COL21A1: variants seen among roughly 807,000 people sequenced by gnomAD.
COL21A1 encodes the protein collagen type XXI alpha 1 chain.
Under a neutral mutation model 137.9 loss-of-function variants are expected in COL21A1, and 149 were observed. That is an observed-to-expected ratio of 1.08 (90% CI 0.95 to 1.24). COL21A1 has a LOEUF of 1.24. Ranked by LOEUF, COL21A1 falls within the 50% of genes most tolerant of loss-of-function variation. The pLI, the probability that COL21A1 is intolerant of heterozygous loss-of-function variation, is 0.00. For missense variants in COL21A1, 1,167 were observed against 1,158.4 expected (o/e 1.01, Z -0.11); for synonymous variants, 456 against 391.5 (o/e 1.16, Z -1.95).
chr6:56,138,984 G>A (rs1774202985), intron 12 of COL21A1, among the ~76,000 whole-genome samples: 1 of 152,106 alleles, frequency 6.6e-6, no homozygotes, highest in Admixed American at 6.6e-5. Context: ...GATCCAGACT[G>A]CAAGAGGAGG....
intron 1 of COL21A1, among the ~76,000 whole-genome samples, chr6:56,258,610 C>A (rs906728260): frequency 1.3e-5 from 2 of 152,184 alleles, no homozygotes; most frequent in Non-Finnish European, 2.9e-5. Flanking sequence ...CACACACATG[C>A]ACTCTATTTG....
chr6:56,349,282 A>C (rs1765659871), intron 1 of COL21A1, among the ~76,000 whole-genome samples: 1 of 151,962 alleles, frequency 6.6e-6, no homozygotes, highest in Non-Finnish European at 1.5e-5. Flanking sequence ...ATGAAACCAC[A>C]TTTCTTTTAA....
intron 1 of COL21A1, among the ~76,000 whole-genome samples, chr6:56,206,905 A>G (rs1178888171): frequency 1.3e-5 from 2 of 151,884 alleles, no homozygotes; most frequent in African/African-American, 2.4e-5. Flanking sequence ...CTGCACAACT[A>G]CTTGGAAACT....
At chr6:56,383,801 T>C (rs1347080455) in intron 1 of COL21A1, among the ~76,000 whole-genome samples, 1 of 152,134 alleles carries the variant, frequency 6.6e-6, no homozygotes, top group Non-Finnish European at 1.5e-5. Context: ...TTTATTAAAA[T>C]AAGTTTTAAA....
At chr6:56,326,578 T>C (rs4288206) in intron 1 of COL21A1, among the ~76,000 whole-genome samples, 149,867 of 152,032 alleles carry the variant, frequency 0.99, 73,898 homozygotes, top group Middle Eastern at 1. Flanking sequence ...ATCACACTAA[T>C]GTGAGATAGC....
At chr6:56,152,679 T>TC (rs941874884) in intron 10 of COL21A1, among the ~76,000 whole-genome samples, 21 of 152,148 alleles carry the variant, frequency 1.4e-4, no homozygotes, top group African/African-American at 5.1e-4. Context: ...GGGAAGATTT[T>TC]TTTTTTTAAA....
At chr6:56,390,014 T>C (rs1306223940) in intron 1 of COL21A1, among the ~76,000 whole-genome samples, 1 of 152,070 alleles carries the variant, frequency 6.6e-6, no homozygotes, top group South Asian at 2.1e-4. Context: ...TAATAGTAAA[T>C]ACACAAACAA....
chr6:56,280,988 G>C (rs1763774937), intron 1 of COL21A1, among the ~76,000 whole-genome samples: 2 of 152,122 alleles, frequency 1.3e-5, no homozygotes, highest in African/African-American at 2.4e-5. Context: ...CTGGGCGACA[G>C]ACAGAGACCC....
intron 1 of COL21A1, among the ~76,000 whole-genome samples, chr6:56,192,720 G>A (rs910796901): frequency 6.6e-6 from 1 of 152,172 alleles, no homozygotes; most frequent in Non-Finnish European, 1.5e-5. Flanking sequence ...AAATAGGAAT[G>A]CTTTTACACT....
At position 56,347,518 on chromosome 6, in the gene COL21A1, A is replaced by T. The variant is rs28578415; in HGVS notation, c.-39+46453T>A. ...CATTAGAATCACCTAGGAAGCATTT[A>T]AAAAAAAAAAAAAAAAAAAGCAAAG... On this transcript the variant is annotated intron_variant, in intron 1 of 28. Transcript: ENST00000370819. Among the ~76,000 whole-genome samples the T allele has an allele frequency of 9.3e-3, 188 of 20,174 alleles. 2 individuals carry two copies. The highest frequency in any genetic ancestry group is 0.077 in the East Asian group (10 of 130). 13.2% of individuals were successfully genotyped at this position (20,174 alleles called of 152,430 possible). A position where few individuals can be genotyped will look rare whatever the true frequency, so the allele number is the denominator to read the frequency against.
chr6:56,232,958 C>T (rs925413764), intron 1 of COL21A1, among the ~76,000 whole-genome samples: 1 of 151,836 alleles, frequency 6.6e-6, no homozygotes, highest in Non-Finnish European at 1.5e-5. Flanking sequence ...ATACTCAGAG[C>T]TGGAAGTAAA....
At chr6:56,241,562 C>T (rs1424874557) in intron 1 of COL21A1, among the ~76,000 whole-genome samples, 1 of 152,084 alleles carries the variant, frequency 6.6e-6, no homozygotes, top group Non-Finnish European at 1.5e-5. Flanking sequence ...TAAAATGATC[C>T]AAAGGCAAAC....
intron 16 of COL21A1, among the ~76,000 whole-genome samples, chr6:56,121,540 G>A (rs1223905957): frequency 8.0e-6 from 1 of 125,214 alleles, no homozygotes; most frequent in South Asian, 2.5e-4. Flanking sequence ...ACATATATAT[G>A]TATATTCATA....
At chr6:56,393,386 TG>T (rs1447533679) in intron 1 of COL21A1, among the ~76,000 whole-genome samples, 1 of 152,198 alleles carries the variant, frequency 6.6e-6, no homozygotes, top group Admixed American at 6.5e-5. Flanking sequence ...CCTTGAACTA[TG>T]AAACAACACA....
rs182795622 is a variant in COL21A1 at position 56,081,802 on chromosome 6, A to G, written c.1813-4229T>C. 3.6e-3 allele frequency among the ~76,000 whole-genome samples: 551 copies of G among 152,070 alleles called. 7 individuals are homozygous for G. Among genetic ancestry groups the G allele is most frequent in the African/African-American group, 0.013 (524 of 41,548 alleles). On this transcript the variant is annotated intron_variant, in intron 17 of 29. Transcript: ENST00000244728. ...ACTTATTCACCCTGGCCTGTAGACA[A>G]GGGCCCACTTGGGACAGGACCCAAA...
At chr6:56,314,565 T>C (rs1764688182) in intron 1 of COL21A1, among the ~76,000 whole-genome samples, 1 of 152,138 alleles carries the variant, frequency 6.6e-6, no homozygotes, top group Admixed American at 6.5e-5. Context: ...ATCTTGGAGC[T>C]TTTTTCCTCA....
chr6:56,189,499 T>A (rs954872074), intron 1 of COL21A1, among the ~76,000 whole-genome samples: 2 of 152,154 alleles, frequency 1.3e-5, no homozygotes, highest in African/African-American at 4.8e-5. Flanking sequence ...TTGATTGATG[T>A]ACCTGAAAGT....
chr6:56,183,848 A>G (rs1271050090), intron 1 of COL21A1, among the ~76,000 whole-genome samples: 4 of 152,208 alleles, frequency 2.6e-5, no homozygotes, highest in African/African-American at 9.6e-5. Flanking sequence ...CAGAAGGCAG[A>G]TGAAAACTAT....
At chr6:56,173,084 A>G (rs1276107302) in intron 3 of COL21A1, among the ~76,000 whole-genome samples, 5 of 152,232 alleles carry the variant, frequency 3.3e-5, no homozygotes, top group African/African-American at 9.6e-5. Flanking sequence ...TATACTCCTT[A>G]ATCAAAGTAC....
Sources: allele counts gnomAD v4.1 joint callset (sites outside exome capture counted in the v4.1 genomes callset), GRCh38; gene constraint gnomAD v4.1.1; transcripts MANE v1.5; gene names NCBI Gene and HGNC (gene_info 2026-07-23, HGNC 2026-07-21).